Variants in KIAA1217 observed in about 807,000 individuals in gnomAD.
The protein encoded by KIAA1217 is sickle tail protein homolog.
KIAA1217 carries 88 observed loss-of-function variants against 163.9 expected under a neutral mutation model. That is an observed-to-expected ratio of 0.54 (90% CI 0.45 to 0.64). The LOEUF (loss-of-function observed/expected upper bound fraction) is 0.64. Ranked by LOEUF, KIAA1217 falls within the 30% of genes least tolerant of loss-of-function variation. The probability of loss-of-function intolerance (pLI) is 0.00; values close to 1 mark genes in which losing one functional copy is unlikely to be tolerated. For missense variants in KIAA1217, 2,372 were observed against 2,475.0 expected (o/e 0.96, Z 0.88); for synonymous variants, 903 against 923.1 (o/e 0.98, Z 0.39).
chr10:24,322,954 G>A (rs1367672517), intron 2 of KIAA1217, among the ~76,000 whole-genome samples: 1 of 152,054 alleles, frequency 6.6e-6, no homozygotes, highest in Non-Finnish European at 1.5e-5. Context: ...ATTTTCAGTT[G>A]TTTTTTATAG....
At chr10:24,262,623 T>A (rs1436842089) in intron 2 of KIAA1217, among the ~76,000 whole-genome samples, 1 of 143,554 alleles carries the variant, frequency 7.0e-6, no homozygotes, top group East Asian at 2.0e-4. Context: ...AGACTCCGTC[T>A]CAAAGAAAAA....
chr10:24,355,573 A>C (rs2048980087), intron 2 of KIAA1217, among the ~76,000 whole-genome samples: 2 of 151,722 alleles, frequency 1.3e-5, no homozygotes, highest in Non-Finnish European at 2.9e-5. Context: ...TCACTTCCAA[A>C]TACTATCACA....
rs186333332 is a variant in KIAA1217 at position 23,785,742 on chromosome 10, G to C, written c.-321+90508G>C. On this transcript the variant is annotated intron_variant, in intron 1 of 18. Transcript: ENST00000376462. ...GTAACCAAGGATTCATCAAGAGTAA[G>C]GTCATTTTTTCTATCCTTAGCACTC... is the stretch of plus-strand genomic sequence containing the variant. Among the ~76,000 whole-genome samples, 92 of 143,238 alleles carry C rather than the reference G, an allele frequency of 6.4e-4. 1 individual carries two copies. The highest frequency in any genetic ancestry group is 2.4e-3 in the African/African-American group (90 of 37,870). The allele number at this position is 143,238 out of a possible 152,430, so 94.0% of individuals were successfully genotyped here. A position where few individuals can be genotyped will look rare whatever the true frequency, so the allele number is the denominator to read the frequency against.
intron 1 of KIAA1217, among the ~76,000 whole-genome samples, chr10:23,784,944 C>A (rs1835424767): frequency 2.0e-5 from 3 of 152,046 alleles, no homozygotes; most frequent in African/African-American, 4.8e-5. Context: ...GAAAAAAAAC[C>A]AACGCTTTTG....
At chr10:23,819,438 T>A (rs537850712) in intron 1 of KIAA1217, among the ~76,000 whole-genome samples, 1 of 152,250 alleles carries the variant, frequency 6.6e-6, no homozygotes, top group Non-Finnish European at 1.5e-5. Context: ...TATGGAGCAG[T>A]GAGAGATGAC....
chr10:24,004,065 G>A (rs1008247145), intron 1 of KIAA1217, among the ~76,000 whole-genome samples: 3 of 151,920 alleles, frequency 2.0e-5, no homozygotes, highest in Non-Finnish European at 2.9e-5. Flanking sequence ...CTGCAAACTC[G>A]GCTTCCCGGT....
rs756880339 is a variant in KIAA1217 at position 24,076,714 on chromosome 10, T to C, written c.-171+69340T>C. Among the ~76,000 whole-genome samples, 222 of 152,162 alleles carry C rather than the reference T, an allele frequency of 1.5e-3. 1 individual carries two copies. Among genetic ancestry groups the C allele is most frequent in the Admixed American group, 2.7e-3 (42 of 15,294 alleles). ...CCATGCTCTGCTCTGTCCTAACCAATAAAATAAAAATAAAAGGCTGTTCTC... is the reference window on the plus strand; with the variant it reads ...CCATGCTCTGCTCTGTCCTAACCAACAAAATAAAAATAAAAGGCTGTTCTC... On this transcript the variant is annotated intron_variant, in intron 2 of 18. Coordinates refer to the KIAA1217 transcript ENST00000376462.
At chr10:23,786,276 T>C (rs1835490267) in intron 1 of KIAA1217, among the ~76,000 whole-genome samples, 1 of 151,438 alleles carries the variant, frequency 6.6e-6, no homozygotes, top group African/African-American at 2.4e-5. Context: ...TTAATATGGA[T>C]AAGGGGGAGA....
chr10:23,795,427 A>C (rs1429045797), intron 1 of KIAA1217, among the ~76,000 whole-genome samples: 2 of 152,214 alleles, frequency 1.3e-5, no homozygotes, highest in African/African-American at 2.4e-5. Flanking sequence ...ACATGATTTC[A>C]GGGCACAAAG....
At chr10:24,441,300 A>C (rs958859502) in intron 5 of KIAA1217, among the ~76,000 whole-genome samples, 2 of 152,156 alleles carry the variant, frequency 1.3e-5, no homozygotes, top group East Asian at 1.9e-4. Context: ...GCTTATGACC[A>C]ATAAACATGC....
chr10:24,358,406 A>T (rs1264154917), intron 2 of KIAA1217, among the ~76,000 whole-genome samples: 3 of 152,118 alleles, frequency 2.0e-5, no homozygotes, highest in Admixed American at 6.5e-5. Context: ...GGATACTTCA[A>T]TTTCACTCTT....
At chr10:24,297,386 C>G (rs1045345511) in intron 2 of KIAA1217, among the ~76,000 whole-genome samples, 1 of 152,210 alleles carries the variant, frequency 6.6e-6, no homozygotes, top group Admixed American at 6.5e-5. Context: ...ACACATCCAG[C>G]ACATGCCCCT....
At chr10:23,834,343 C>T (rs1238238346) in intron 1 of KIAA1217, among the ~76,000 whole-genome samples, 2 of 152,084 alleles carry the variant, frequency 1.3e-5, no homozygotes, top group African/African-American at 2.4e-5. Flanking sequence ...TTCTTATCAG[C>T]CAACTATTTC....
intron 3 of KIAA1217, among the ~76,000 whole-genome samples, chr10:24,415,926 T>A (rs1381163355): frequency 6.6e-6 from 1 of 152,144 alleles, no homozygotes; most frequent in Non-Finnish European, 1.5e-5. Flanking sequence ...TGGGAGGAGC[T>A]GTGCTGGGAA....
At chr10:24,210,414 C>T (rs931803271) in intron 1 of KIAA1217, among the ~76,000 whole-genome samples, 8 of 152,186 alleles carry the variant, frequency 5.3e-5, no homozygotes, top group Non-Finnish European at 8.8e-5. Context: ...TTCAGGCTAC[C>T]GGGGTCAGTG....
intron 2 of KIAA1217, among the ~76,000 whole-genome samples, chr10:24,088,377 T>C (rs2061792448): frequency 8.4e-6 from 1 of 118,362 alleles, no homozygotes. Context: ...ACATGTGCCA[T>C]GTTGGTGTGC....
At chr10:24,337,610 C>A in intron 2 of KIAA1217, among the ~76,000 whole-genome samples, 1 of 59,148 alleles carries the variant, frequency 1.7e-5, no homozygotes, top group Admixed American at 1.4e-4. Flanking sequence ...CTTTTCTTTT[C>A]TTTTCTTTTC....
chr10:24,026,742 A>ATTTTTT, intron 2 of KIAA1217, among the ~76,000 whole-genome samples: 4 of 70,090 alleles, frequency 5.7e-5, no homozygotes, highest in African/African-American at 2.4e-4. Context: ...TATTTCATTG[A>ATTTTTT]TTTTTTTTTT....
At chr10:23,969,686 T>G (rs547727824) in intron 1 of KIAA1217, among the ~76,000 whole-genome samples, 39 of 152,320 alleles carry the variant, frequency 2.6e-4, no homozygotes, top group Admixed American at 1.6e-3. Context: ...AAAAGTCCCT[T>G]TATCAAATAT....
Sources: gnomAD v4.1 joint callset for allele counts (sites outside exome capture counted in the v4.1 genomes callset) on GRCh38, gnomAD v4.1.1 for gene constraint, MANE v1.5 for transcripts, NCBI Gene and HGNC (gene_info 2026-07-23, HGNC 2026-07-21) for gene names.